Variants in DPYD observed in about 807,000 individuals in gnomAD.
DPYD encodes the protein dihydropyrimidine dehydrogenase.
DPYD carries 109 observed loss-of-function variants against 116.2 expected under a neutral mutation model. That is an observed-to-expected ratio of 0.94 (90% CI 0.80 to 1.10). The LOEUF is 1.10. Among genes scored for constraint, DPYD ranks in the 50% least tolerant of loss-of-function variants. The probability of loss-of-function intolerance (pLI) is 0.00; values close to 1 mark genes in which losing one functional copy is unlikely to be tolerated. For missense variants in DPYD, 1,302 were observed against 1,254.5 expected (o/e 1.04, Z -0.57); for synonymous variants, 440 against 432.0 (o/e 1.02, Z -0.23).
intron 4 of DPYD, among the ~76,000 whole-genome samples, chr1:97,727,129 T>C (rs557075783): frequency 9.2e-5 from 14 of 151,852 alleles, no homozygotes; most frequent in African/African-American, 2.9e-4. Context: ...CTTCCTGATA[T>C]CAAGATGCTT....
chr1:97,130,875 C>CTTCCTTCCTTCCTTCA, intron 20 of DPYD, among the ~76,000 whole-genome samples: 1 of 139,816 alleles, frequency 7.2e-6, no homozygotes, highest in African/African-American at 2.7e-5. Flanking sequence ...TCCTTCCTTC[C>CTTCCTTCCTTCCTTCA]TTCCTTCCTT....
chr1:97,856,051 G>A (rs1308369880), intron 2 of DPYD: 1 of 152,160 alleles, frequency 6.6e-6, no homozygotes, highest in Non-Finnish European at 1.5e-5. Context: ...AAATTTTGAA[G>A]AATCTTACTA....
At chr1:97,472,764 A>G (rs1677732878) in intron 13 of DPYD, among the ~76,000 whole-genome samples, 4 of 152,216 alleles carry the variant, frequency 2.6e-5, no homozygotes, top group African/African-American at 7.2e-5. Flanking sequence ...AAATAGCCAT[A>G]ATGAGAGAAA....
At chr1:97,724,508 T>C (rs969520932) in intron 4 of DPYD, among the ~76,000 whole-genome samples, 3 of 151,624 alleles carry the variant, frequency 2.0e-5, no homozygotes, top group African/African-American at 7.2e-5. Flanking sequence ...ACCAGTTAAG[T>C]TTTAGTTTTA....
intron 14 of DPYD, among the ~76,000 whole-genome samples, chr1:97,440,309 T>C (rs977384646): frequency 6.6e-6 from 1 of 152,014 alleles, no homozygotes; most frequent in African/African-American, 2.4e-5. Flanking sequence ...TGCCCTTTAA[T>C]TGCGGTGCTT....
intron 18 of DPYD, among the ~76,000 whole-genome samples, chr1:97,295,032 T>A (rs1666436912): frequency 6.6e-6 from 1 of 152,214 alleles, no homozygotes; most frequent in Non-Finnish European, 1.5e-5. Context: ...CAGATGTTAA[T>A]CTCTGATATT....
intron 2 of DPYD, among the ~76,000 whole-genome samples, chr1:97,834,086 C>T: frequency 6.6e-6 from 1 of 152,034 alleles, no homozygotes; most frequent in South Asian, 2.1e-4. Flanking sequence ...TGGACCTAGA[C>T]AGCTTAGAAA....
chr1:97,386,825 A>T (rs982531426), intron 14 of DPYD, among the ~76,000 whole-genome samples: 29 of 152,208 alleles, frequency 1.9e-4, no homozygotes, highest in African/African-American at 7.0e-4. Context: ...AGAGAAAGCA[A>T]TTTTTAAAAG....
chr1:97,778,505 C>T (rs1468098547), intron 3 of DPYD, among the ~76,000 whole-genome samples: 1 of 151,948 alleles, frequency 6.6e-6, no homozygotes, highest in African/African-American at 2.4e-5. Flanking sequence ...ATTACTTCTC[C>T]ATAGACTAAT....
At chr1:97,671,946 A>ATTTTTT (rs202099045) in intron 8 of DPYD, among the ~76,000 whole-genome samples, 1 of 127,874 alleles carries the variant, frequency 7.8e-6, no homozygotes, top group East Asian at 2.2e-4. Flanking sequence ...TTTATCTATT[A>ATTTTTT]TTTTTTTTTT....
chr1:97,445,725 AT>A (rs35500519), intron 14 of DPYD, among the ~76,000 whole-genome samples: 2,518 of 138,344 alleles, frequency 0.018, 39 homozygotes, highest in Middle Eastern at 0.027. Flanking sequence ...AAATTGTCTG[AT>A]TTTTTTTTTT....
At chr1:97,104,319 A>G (rs929497733) in intron 20 of DPYD, among the ~76,000 whole-genome samples, 1 of 149,074 alleles carries the variant, frequency 6.7e-6, no homozygotes, top group African/African-American at 2.6e-5. Flanking sequence ...GAAACAAATT[A>G]AAGTATATAA....
chr1:97,393,398 C>A (rs1240047324), intron 14 of DPYD, among the ~76,000 whole-genome samples: 1 of 151,828 alleles, frequency 6.6e-6, no homozygotes, highest in Admixed American at 6.6e-5. Context: ...CACCCATTAA[C>A]TCGTCATTTA....
At chr1:97,231,646 G>T (rs1297784396) in intron 19 of DPYD, among the ~76,000 whole-genome samples, 2 of 151,926 alleles carry the variant, frequency 1.3e-5, no homozygotes, top group Non-Finnish European at 2.9e-5. Flanking sequence ...ACAATTCAAG[G>T]TGAGATTTGA....
chr1:97,878,611 T>C (rs1351923762), intron 2 of DPYD, among the ~76,000 whole-genome samples: 1 of 151,892 alleles, frequency 6.6e-6, no homozygotes, highest in Non-Finnish European at 1.5e-5. Flanking sequence ...TTCAAGCTCA[T>C]CCTCCCTCCT....
At chr1:97,459,840 T>C (rs1676916289) in intron 13 of DPYD, among the ~76,000 whole-genome samples, 2 of 152,064 alleles carry the variant, frequency 1.3e-5, no homozygotes, top group South Asian at 4.1e-4. Context: ...AATATAAAGG[T>C]GTGATTATGT....
At chr1:97,379,813 A>T (rs897639333) in intron 15 of DPYD, among the ~76,000 whole-genome samples, 1 of 152,224 alleles carries the variant, frequency 6.6e-6, no homozygotes, top group African/African-American at 2.4e-5. Context: ...TGAAGGAGCC[A>T]GTAGACTCAT....
intron 18 of DPYD, among the ~76,000 whole-genome samples, chr1:97,270,965 G>A (rs377132533): frequency 1.5e-4 from 23 of 152,172 alleles, no homozygotes; most frequent in Non-Finnish European, 3.4e-4. Flanking sequence ...GAAAGAACTT[G>A]CAAACTGCTA....
intron 20 of DPYD, among the ~76,000 whole-genome samples, chr1:97,121,977 G>A (rs1189490782): frequency 6.6e-6 from 1 of 152,142 alleles, no homozygotes; most frequent in Non-Finnish European, 1.5e-5. Context: ...GTCTAGAGCA[G>A]GGCATGGAAT....
Sources: allele counts gnomAD v4.1 joint callset (sites outside exome capture counted in the v4.1 genomes callset), GRCh38; gene constraint gnomAD v4.1.1; transcripts MANE v1.5; gene names NCBI Gene and HGNC (gene_info 2026-07-23, HGNC 2026-07-21).